The following ADGRV1 variants were observed in gnomAD, a reference collection of about 807,000 sequenced individuals.
ADGRV1 encodes G-protein coupled receptor 98.
A neutral mutation model predicts 596.2 loss-of-function variants in ADGRV1; 359 were observed. The ratio of observed to expected loss-of-function variants is 0.60; its 90% CI spans 0.55 to 0.66. The LOEUF is 0.66. Ranked by LOEUF, ADGRV1 falls within the 30% of genes least tolerant of loss-of-function variation. The probability of loss-of-function intolerance (pLI) is 0.00; values close to 1 mark genes in which losing one functional copy is unlikely to be tolerated. For synonymous variants in ADGRV1, 2,681 were observed against 2,679.2 expected (o/e 1.00, Z -0.02); for missense variants, 7,274 against 7,575.6 (o/e 0.96, Z 1.48).
chr5:90,990,407 C>T (rs1780863666), intron 85 of ADGRV1, among the ~76,000 whole-genome samples: 1 of 152,112 alleles, frequency 6.6e-6, no homozygotes, highest in African/African-American at 2.4e-5. Flanking sequence ...CTTACAGACT[C>T]TATGGAAAGG....
intron 59 of ADGRV1, among the ~76,000 whole-genome samples, chr5:90,771,182 T>C (rs1757653591): frequency 6.6e-6 from 1 of 151,782 alleles, no homozygotes; most frequent in South Asian, 2.1e-4. Flanking sequence ...TTATATACTT[T>C]TGCAGACTTC....
intron 85 of ADGRV1, among the ~76,000 whole-genome samples, chr5:91,046,086 T>C (rs1030244581): frequency 6.6e-6 from 1 of 152,144 alleles, no homozygotes; most frequent in Non-Finnish European, 1.5e-5. Flanking sequence ...AAAATGACCA[T>C]ATTGCCAAAA....
chr5:91,158,000 C>T (rs955883552), intron 89 of ADGRV1, among the ~76,000 whole-genome samples: 3 of 152,352 alleles, frequency 2.0e-5, no homozygotes, highest in African/African-American at 4.8e-5. Context: ...TGACCACTGA[C>T]GTTAGCCAAA....
intron 20 of ADGRV1, chr5:90,655,769 A>G (rs1406637020): frequency 6.6e-6 from 1 of 152,210 alleles, no homozygotes; most frequent in Non-Finnish European, 1.5e-5. Context: ...TTAAAAAAAA[A>G]TAATGCTGTG....
rs1366388721 is a variant in ADGRV1, at chr5:90,763,406, G to A, written c.12222G>A (p.Trp4074Ter). Reference protein sequence around the residue: ...PGGKGTVRLEWTIDEKAKHNL... With the variant: ...PGGKGTVRLE ...GAAAAGGAACCGTCCGACTTGAGTG[G>A]ACCATAGATGAGAAGGCTAAACATA... Residue 4074 changes from tryptophan to a stop codon, truncating the protein, a stop_gained, in exon 59 of 90, where the codon TGG becomes TGA. Transcript: ENST00000405460. LOFTEE classifies it high-confidence loss of function. 6.2e-7 allele frequency: 1 copy of A among 1,613,556 alleles called. No homozygotes were observed. Among genetic ancestry groups the A allele is most frequent in the Non-Finnish European group, 8.5e-7 (1 of 1,179,684 alleles).
intron 86 of ADGRV1, among the ~76,000 whole-genome samples, 185 bp from the exon 87 acceptor site, chr5:91,102,034 C>T (rs571089908): frequency 5.3e-4 from 81 of 152,268 alleles, no homozygotes; most frequent in African/African-American, 1.8e-3. Context: ...CCAGCAGCCC[C>T]ATTTGCAAAA....
chr5:91,079,889 A>T (rs113320480), intron 86 of ADGRV1, among the ~76,000 whole-genome samples: 2,744 of 152,276 alleles, frequency 0.018, 90 homozygotes, highest in African/African-American at 0.062. Flanking sequence ...GGTGAGAGAA[A>T]GAGTAAAGGG....
At chr5:90,685,671 A>C in intron 28 of ADGRV1, 109 bp from the exon 29 acceptor site, 1 of 474,656 alleles carries the variant, frequency 2.1e-6, no homozygotes, top group Non-Finnish European at 3.6e-6. Context: ...ACCCCAAATG[A>C]GAATCCTATT....
At chr5:90,632,540 T>C (rs1022010582) in intron 9 of ADGRV1, among the ~76,000 whole-genome samples, 6 of 152,202 alleles carry the variant, frequency 3.9e-5, no homozygotes, top group African/African-American at 1.4e-4. Context: ...AAAAGTCCAA[T>C]ATTTCTATCC....
At chr5:90,830,273 T>A (rs1764415468) in intron 77 of ADGRV1, among the ~76,000 whole-genome samples, 1 of 152,134 alleles carries the variant, frequency 6.6e-6, no homozygotes, top group African/African-American at 2.4e-5. Flanking sequence ...TATGAGACCC[T>A]AGAAATAAAG....
intron 85 of ADGRV1, among the ~76,000 whole-genome samples, chr5:91,052,654 G>A (rs768762141): frequency 2.6e-5 from 4 of 151,922 alleles, no homozygotes; most frequent in African/African-American, 9.7e-5. Flanking sequence ...GGCTGGTCTC[G>A]AATTCCTGAC....
At chr5:90,915,863 C>T (rs887932796) in intron 83 of ADGRV1, among the ~76,000 whole-genome samples, 1 of 152,176 alleles carries the variant, frequency 6.6e-6, no homozygotes, top group East Asian at 1.9e-4. Context: ...TGTGTATAAA[C>T]ACTGAGACTC....
chr5:90,924,813 G>A (rs1774256085), intron 83 of ADGRV1, among the ~76,000 whole-genome samples: 1 of 151,966 alleles, frequency 6.6e-6, no homozygotes, highest in Non-Finnish European at 1.5e-5. Context: ...TTTTGTATAA[G>A]GTGTAAGGAA....
intron 8 of ADGRV1, 69 bp downstream of exon 8, chr5:90,628,901 A>G: frequency 7.2e-7 from 1 of 1,396,736 alleles, no homozygotes; most frequent in Non-Finnish European, 9.7e-7. Flanking sequence ...GAATTTGGTC[A>G]TACACATCAA....
intron 1 of ADGRV1, among the ~76,000 whole-genome samples, chr5:90,597,953 G>A (rs1277139736): frequency 6.6e-6 from 1 of 152,142 alleles, no homozygotes; most frequent in African/African-American, 2.4e-5. Flanking sequence ...AAGTTTAAGG[G>A]TGGACAGTTA....
chr5:90,918,022 G>A (rs889711171), intron 83 of ADGRV1, among the ~76,000 whole-genome samples: 1 of 152,036 alleles, frequency 6.6e-6, no homozygotes, highest in Non-Finnish European at 1.5e-5. Context: ...AGCTGCAAAA[G>A]GATGAATACC....
rs1297169529 is a variant in ADGRV1, at chr5:91,136,946, A to G, written c.18433-13084A>G. ...TCCATTTCCTTTAGAAGTAGAAATAATAGTCATTTTGCTGATTTTCTTTAT... is the reference window on the plus strand; with the variant it reads ...TCCATTTCCTTTAGAAGTAGAAATAGTAGTCATTTTGCTGATTTTCTTTAT... On this transcript the variant is annotated intron_variant, in intron 87 of 89. Transcript: ENST00000405460. Among the ~76,000 whole-genome samples the G allele has an allele frequency of 2.0e-5, 3 of 152,182 alleles. No homozygotes were observed. In the East Asian group the frequency reaches 5.8e-4, roughly 29 times the overall value.
intron 79 of ADGRV1, among the ~76,000 whole-genome samples, chr5:90,852,826 T>A (rs1222946379): frequency 6.6e-6 from 1 of 152,202 alleles, no homozygotes; most frequent in South Asian, 2.1e-4. Flanking sequence ...TAGAAAGGCA[T>A]GAGGTAAACT....
intron 1 of ADGRV1, among the ~76,000 whole-genome samples, chr5:90,570,915 A>T (rs1195535489): frequency 6.6e-6 from 1 of 152,112 alleles, no homozygotes; most frequent in African/African-American, 2.4e-5. Context: ...TAAGTCTAAC[A>T]TCTGGTATGT....
Sources: allele counts gnomAD v4.1 joint callset (sites outside exome capture counted in the v4.1 genomes callset), GRCh38; gene constraint gnomAD v4.1.1; transcripts MANE v1.5; gene names NCBI Gene and HGNC (gene_info 2026-07-23, HGNC 2026-07-21).